The following TBC1D19 variants were observed in gnomAD, a reference collection of about 807,000 sequenced individuals.
TBC1D19 encodes TBC1 domain family, member 19.
TBC1D19 carries 60 observed loss-of-function variants against 89.0 expected under a neutral mutation model. That is an observed-to-expected ratio of 0.67 (90% confidence interval 0.55 to 0.84). The LOEUF (loss-of-function observed/expected upper bound fraction) is 0.84. Ranked by LOEUF, TBC1D19 falls within the 40% of genes least tolerant of loss-of-function variation. TBC1D19 has a pLI of 0.00. For missense variants in TBC1D19, 500 were observed against 610.8 expected (o/e 0.82, Z 1.91); for synonymous variants, 189 against 199.7 (o/e 0.95, Z 0.45).
At chr4:26,830,943 A>G in the TBC1D19 span, among the ~76,000 whole-genome samples, 3 of 152,134 alleles carry the variant, frequency 2.0e-5, no homozygotes, top group Admixed American at 6.5e-5. Context: ...CCCTGAGGAG[A>G]GGATATTTAG....
chr4:26,734,505 G>A (rs930570325), intron 15 of TBC1D19, among the ~76,000 whole-genome samples: 3 of 152,090 alleles, frequency 2.0e-5, no homozygotes, highest in Non-Finnish European at 2.9e-5. Flanking sequence ...AATGTGAGAC[G>A]ATGTTTAGCA....
chr4:26,711,972 A>G (rs573703836), intron 13 of TBC1D19, among the ~76,000 whole-genome samples: 1 of 152,144 alleles, frequency 6.6e-6, no homozygotes, highest in East Asian at 1.9e-4. Context: ...TCCTTAGAGC[A>G]GTCTCAGATA....
intron 7 of TBC1D19, among the ~76,000 whole-genome samples, chr4:26,656,078 T>A (rs907979109): frequency 2.0e-5 from 3 of 152,168 alleles, no homozygotes; most frequent in South Asian, 2.1e-4. Context: ...AAAATATTTT[T>A]AAAAATTATT....
intron 13 of TBC1D19, among the ~76,000 whole-genome samples, chr4:26,716,293 A>G (rs1365122117): frequency 6.6e-6 from 1 of 152,118 alleles, no homozygotes; most frequent in Non-Finnish European, 1.5e-5. Flanking sequence ...AGTCATCCAG[A>G]ATGGAACAGG....
chr4:26,677,167 G>A (rs1712893124), intron 11 of TBC1D19, among the ~76,000 whole-genome samples: 1 of 151,868 alleles, frequency 6.6e-6, no homozygotes, highest in South Asian at 2.1e-4. Flanking sequence ...TGTATTACTC[G>A]ATAATTATAC....
the TBC1D19 span, among the ~76,000 whole-genome samples, chr4:26,782,808 A>G: frequency 3.3e-5 from 5 of 152,080 alleles, no homozygotes; most frequent in Non-Finnish European, 5.9e-5. Context: ...CCCAAAAGCA[A>G]TATATCCAAA....
At chr4:26,670,195 C>T (rs932075958) in intron 9 of TBC1D19, among the ~76,000 whole-genome samples, 1 of 150,594 alleles carries the variant, frequency 6.6e-6, no homozygotes, top group Non-Finnish European at 1.5e-5. Flanking sequence ...TTACTATATA[C>T]ATATATATGT....
chr4:26,735,495 G>A lies in TBC1D19; in HGVS notation c.1117+8G>A, dbSNP rs530390146. 1.2e-5 allele frequency: 18 copies of A among 1,556,020 alleles called. No homozygotes were observed. The highest frequency in any genetic ancestry group is 9.7e-5 in the African/African-American group (7 of 72,124). ...ATGGATTTTCAATGTATGGTAAGTT[G>A]GGCTTTAAAAACATCATAATGTACA... On this transcript the variant is annotated splice_region_variant and intron_variant, in intron 16 of 20. Coordinates refer to ENST00000264866, the MANE Select transcript of TBC1D19 (RefSeq NM_018317.4).
intron 15 of TBC1D19, among the ~76,000 whole-genome samples, chr4:26,727,373 CT>C (rs1448844789): frequency 6.6e-5 from 10 of 152,238 alleles, no homozygotes; most frequent in South Asian, 2.1e-4. Flanking sequence ...ACTGTGTAGC[CT>C]TTTTTTGGAG....
the TBC1D19 span, among the ~76,000 whole-genome samples, chr4:26,834,412 G>C: frequency 1.3e-5 from 2 of 152,178 alleles, no homozygotes; most frequent in South Asian, 4.1e-4. Context: ...CAAATATTGA[G>C]TGCCCATTAT....
chr4:26,818,893 T>C, the TBC1D19 span, among the ~76,000 whole-genome samples: 1 of 152,224 alleles, frequency 6.6e-6, no homozygotes, highest in Non-Finnish European at 1.5e-5. Flanking sequence ...ATAACCACTG[T>C]ATAATTATCA....
intron 15 of TBC1D19, among the ~76,000 whole-genome samples, chr4:26,722,326 C>G (rs1176809176): frequency 6.6e-6 from 1 of 152,062 alleles, no homozygotes; most frequent in East Asian, 1.9e-4. Context: ...TCCATGGACT[C>G]AAGTTCTTCT....
intron 13 of TBC1D19, among the ~76,000 whole-genome samples, chr4:26,695,960 A>G (rs570208392): frequency 3.7e-4 from 56 of 152,324 alleles, no homozygotes; most frequent in African/African-American, 1.3e-3. Context: ...CTAGCGAACA[A>G]AATAACCAGC....
rs869124166 is a variant in TBC1D19 at position 26,590,796 on chromosome 4, G to GTT, written c.99+6534_99+6535dup. 6.4e-3 allele frequency among the ~76,000 whole-genome samples: 340 copies of GTT among 52,908 alleles called. 59 individuals carry two copies. The highest frequency in any genetic ancestry group is 0.027 in the African/African-American group (322 of 11,984). 34.7% of individuals were successfully genotyped at this position (52,908 alleles called of 152,430 possible). ...GGTTCACTCTTTGTCTTGCAGGTCT[G>GTT]TTTTTTTTTTTTTTTTTTTTTTTTT... On this transcript the variant is annotated intron_variant, in intron 1 of 20. Coordinates refer to ENST00000264866, the MANE Select transcript of TBC1D19 (RefSeq NM_018317.4).
the TBC1D19 span, among the ~76,000 whole-genome samples, chr4:26,833,257 T>G: frequency 6.6e-6 from 1 of 152,102 alleles, no homozygotes; most frequent in Non-Finnish European, 1.5e-5. Context: ...AAATCAAGGA[T>G]GCAATGCATA....
chr4:26,672,107 C>T (rs753934655), intron 9 of TBC1D19, 42 bp from the exon 10 acceptor site: 1 of 869,556 alleles, frequency 1.2e-6, no homozygotes, highest in Non-Finnish European at 1.6e-6. Flanking sequence ...TGTGATTGCT[C>T]ATACTCATGT....
chr4:26,837,190 A>G, the TBC1D19 span, among the ~76,000 whole-genome samples: 4,386 of 152,302 alleles, frequency 0.029, 221 homozygotes, highest in African/African-American at 0.1. Flanking sequence ...AAAGGTCTAT[A>G]TAATGGAGAA....
At chr4:26,658,401 G>C (rs990441086) in intron 7 of TBC1D19, among the ~76,000 whole-genome samples, 1 of 152,152 alleles carries the variant, frequency 6.6e-6, no homozygotes, top group Non-Finnish European at 1.5e-5. Context: ...GGTTGTAGAT[G>C]TGTGGTGTTG....
chr4:26,618,165 A>G (rs1741816417), intron 3 of TBC1D19, among the ~76,000 whole-genome samples: 1 of 152,206 alleles, frequency 6.6e-6, no homozygotes, highest in Non-Finnish European at 1.5e-5. Flanking sequence ...CAGGCTAGAC[A>G]GTCTTTGCCT....
Sources: gnomAD v4.1 joint callset for allele counts (sites outside exome capture counted in the v4.1 genomes callset) on GRCh38, gnomAD v4.1.1 for gene constraint, MANE v1.5 for transcripts, NCBI Gene and HGNC (gene_info 2026-07-23, HGNC 2026-07-21) for gene names.